Variants in GNPTAB observed in about 807,000 individuals in gnomAD.
GNPTAB encodes the protein N-acetylglucosamine-1-phosphotransferase subunits alpha/beta.
A neutral mutation model predicts 136.6 loss-of-function variants in GNPTAB; 92 were observed. The ratio of observed to expected loss-of-function variants is 0.67; its 90% CI spans 0.57 to 0.80. The LOEUF is 0.80. Ranked by LOEUF, GNPTAB falls within the 30% of genes least tolerant of loss-of-function variation. The pLI is 0.00. For missense variants in GNPTAB, 1,343 were observed against 1,501.8 expected (o/e 0.89, Z 1.75); for synonymous variants, 512 against 535.1 (o/e 0.96, Z 0.60).
Position 101,770,061 on chromosome 12 carries a change from A to G in GNPTAB, c.1244T>C (p.Val415Ala). The G allele has an allele frequency of 6.2e-7, 1 of 1,614,182 alleles. No homozygotes were observed. Among genetic ancestry groups the G allele is most frequent in the African/African-American group, 1.3e-5 (1 of 75,046 alleles). ...LNDDVMFGKDVWPDDFYSHSK... is the reference protein window; with the variant it reads ...LNDDVMFGKDAWPDDFYSHSK... ...GTGACTGTAAAAATCATCTGGCCAG[A>G]CATCCTTCCCAAACATGACATCATC... Residue 415 changes from valine (V) to alanine (A), a missense_variant, in exon 10 of 21, where the codon GTC (valine) becomes GCC (alanine). Physicochemically the swap from Val to Ala is moderately conservative, Grantham distance 64. Transcript: ENST00000299314.
At chr12:101,806,335 C>T (rs1188565706) in intron 1 of GNPTAB, among the ~76,000 whole-genome samples, 2 of 152,036 alleles carry the variant, frequency 1.3e-5, no homozygotes, top group African/African-American at 2.4e-5. Flanking sequence ...TGTATGATTC[C>T]ATTATATAAA....
Position 101,780,596 on chromosome 12 carries a change from A to C in GNPTAB, c.597T>G (p.Leu199=). 1 of 1,611,720 alleles carries C rather than the reference A, an allele frequency of 6.2e-7. No homozygotes were observed. Among genetic ancestry groups the C allele is most frequent in the Non-Finnish European group, 8.5e-7 (1 of 1,178,024 alleles). The change falls in exon 6 of 21, where the codon CTT becomes CTG. Residue 199 remains leucine, a synonymous_variant. Transcript: ENST00000299314. ...ATACTGTCTGTCTGCTATTTCCTTT[A>C]AGCAGTCCAGAGTGGGCATCTTCAA... ...KDVEDAHSGL[L]KGNSRQTVWR...
intron 13 of GNPTAB, among the ~76,000 whole-genome samples, chr12:101,762,963 G>A (rs150803404): frequency 0.05 from 7,481 of 150,268 alleles, 451 homozygotes; most frequent in African/African-American, 0.14. Flanking sequence ...GCTCACGCCT[G>A]TAATCCCAGC....
chr12:101,809,637 G>C (rs60675929), intron 1 of GNPTAB, among the ~76,000 whole-genome samples: 1 of 152,142 alleles, frequency 6.6e-6, no homozygotes, highest in African/African-American at 2.4e-5. Flanking sequence ...ATTACTAAAG[G>C]AAAGAAGCAA....
intron 9 of GNPTAB, 58 bp from the exon 10 acceptor site, chr12:101,770,249 A>C: frequency 6.4e-7 from 1 of 1,568,696 alleles, no homozygotes; most frequent in Non-Finnish European, 8.8e-7. Context: ...GGTTTGGTTT[A>C]GTTTTTGAAA....
chr12:101,759,983 T>A, intron 16 of GNPTAB, 47 bp downstream of exon 16: 1 of 1,068,020 alleles, frequency 9.4e-7, no homozygotes, highest in Non-Finnish European at 1.5e-6. Context: ...TAACACTTGA[T>A]AAGGATGTAC....
chr12:101,828,030 T>TC (rs1286898825), intron 1 of GNPTAB, among the ~76,000 whole-genome samples: 8 of 152,162 alleles, frequency 5.3e-5, no homozygotes, highest in Admixed American at 5.2e-4. Context: ...GAGCTTACAA[T>TC]CCATTACAAT....
At chr12:101,822,793 CA>C (rs1324104729) in intron 1 of GNPTAB, among the ~76,000 whole-genome samples, 4 of 152,174 alleles carry the variant, frequency 2.6e-5, no homozygotes, top group Non-Finnish European at 4.4e-5. Flanking sequence ...AATTTTCATC[CA>C]GGGGCAGGGG....
At chr12:101,756,406 G>A (rs1214450834) in intron 18 of GNPTAB, 3 of 307,624 alleles carry the variant, frequency 9.8e-6, no homozygotes, top group East Asian at 1.3e-4. Context: ...AAAAGACCCA[G>A]AAATTAAAAA....
chr12:101,819,586 G>A (rs1870696696), intron 1 of GNPTAB, among the ~76,000 whole-genome samples: 1 of 152,152 alleles, frequency 6.6e-6, no homozygotes, highest in Non-Finnish European at 1.5e-5. Flanking sequence ...TCTTAAAGTG[G>A]GCAATATGGT....
rs533915760 is a variant in GNPTAB, at chr12:101,790,391, T to C, written c.204-334A>G. 5.9e-5 allele frequency among the ~76,000 whole-genome samples: 9 copies of C among 152,340 alleles called. No individual in the cohort carries two copies. In the South Asian group the frequency reaches 1.7e-3, roughly 28 times the overall value. ...CTTGGAAGTTCAGTTTACATTAAAC[T>C]GCCTGTTCTCATAATTTAGCAAAGA... On this transcript the variant is annotated intron_variant, in intron 2 of 20. Transcript: ENST00000299314.
chr12:101,814,252 T>C (rs1178053076), intron 1 of GNPTAB, among the ~76,000 whole-genome samples: 2 of 151,986 alleles, frequency 1.3e-5, no homozygotes, highest in Non-Finnish European at 2.9e-5. Context: ...TGAGCTGACA[T>C]TGAGCCATTG....
chr12:101,774,239 A>T (rs1953226199), intron 7 of GNPTAB, among the ~76,000 whole-genome samples: 1 of 152,382 alleles, frequency 6.6e-6, no homozygotes, highest in Middle Eastern at 3.4e-3. Context: ...GATGATGGTC[A>T]GGAGAAGCAG....
chr12:101,821,813 T>C (rs1870816684), intron 1 of GNPTAB, among the ~76,000 whole-genome samples: 1 of 152,162 alleles, frequency 6.6e-6, no homozygotes, highest in South Asian at 2.1e-4. Context: ...GCTGGCTAAT[T>C]GCTCTGAGGA....
chr12:101,748,803 G>A (rs1014271061), intron 20 of GNPTAB, among the ~76,000 whole-genome samples: 1 of 152,148 alleles, frequency 6.6e-6, no homozygotes, highest in African/African-American at 2.4e-5. Flanking sequence ...GATTCTAGAT[G>A]GTTTTTTGGT....
chr12:101,803,837 G>T (rs1464930767), intron 1 of GNPTAB, among the ~76,000 whole-genome samples: 2 of 152,148 alleles, frequency 1.3e-5, no homozygotes. Context: ...TTTTTCCACG[G>T]AGAGAGAGCT....
At chr12:101,763,051 T>A (rs1219899104) in intron 13 of GNPTAB, among the ~76,000 whole-genome samples, 1 of 151,208 alleles carries the variant, frequency 6.6e-6, no homozygotes, top group Non-Finnish European at 1.5e-5. Flanking sequence ...TGAAACCCCG[T>A]CTCCACTAAA....
At chr12:101,813,879 G>C (rs1870367814) in intron 1 of GNPTAB, among the ~76,000 whole-genome samples, 1 of 152,132 alleles carries the variant, frequency 6.6e-6, no homozygotes, top group Non-Finnish European at 1.5e-5. Context: ...AGGAGTTTGA[G>C]ACCAGCCTGG....
intron 7 of GNPTAB, among the ~76,000 whole-genome samples, chr12:101,777,507 C>T (rs1350112589): frequency 6.6e-6 from 1 of 152,168 alleles, no homozygotes; most frequent in Non-Finnish European, 1.5e-5. Context: ...CAGGCTGTTC[C>T]CTCTACATAG....
Sources: gnomAD v4.1 joint callset for allele counts (sites outside exome capture counted in the v4.1 genomes callset) on GRCh38, gnomAD v4.1.1 for gene constraint, MANE v1.5 for transcripts, NCBI Gene and HGNC (gene_info 2026-07-23, HGNC 2026-07-21) for gene names.